The following FRRS1 variants were observed in gnomAD, a reference collection of about 807,000 sequenced individuals.
FRRS1 encodes the protein ferric chelate reductase 1.
Under a neutral mutation model 70.7 loss-of-function variants are expected in FRRS1, and 51 were observed. That is an observed-to-expected ratio of 0.72 (90% CI 0.58 to 0.91). The LOEUF (loss-of-function observed/expected upper bound fraction) is 0.91, where lower values mean the gene tolerates loss of function less well. Ranked by LOEUF, FRRS1 falls within the 40% of genes least tolerant of loss-of-function variation. The probability of loss-of-function intolerance (pLI) is 0.00; values close to 1 mark genes in which losing one functional copy is unlikely to be tolerated. For synonymous variants in FRRS1, 225 were observed against 238.7 expected, an observed-to-expected ratio of 0.94 and a Z score of 0.53; for missense variants, 672 against 726.0, an observed-to-expected ratio of 0.93 and a Z score of 0.86.
At chr1:99,757,373 G>C (rs189156969) in intron 1 of FRRS1, among the ~76,000 whole-genome samples, 1 of 152,086 alleles carries the variant, frequency 6.6e-6, no homozygotes, top group Non-Finnish European at 1.5e-5. Flanking sequence ...TAAATTAAGA[G>C]TATCAAGAAT....
At chr1:99,741,806 C>A (rs1037976138) in intron 5 of FRRS1, among the ~76,000 whole-genome samples, 1 of 152,196 alleles carries the variant, frequency 6.6e-6, no homozygotes, top group African/African-American at 2.4e-5. Context: ...AGACTTCATT[C>A]ACTTAACAAA....
Position 99,708,639 on chromosome 1 carries a change from T to A in FRRS1, c.*389A>T, listed in dbSNP as rs1270144397. On this transcript the variant is annotated 3_prime_UTR_variant, in exon 17 of 17. Transcript: ENST00000646001. ...AAAAAAAAAAAAATATATATATATA[T>A]ATATATATATATATATATATATATC... 226 of 107,964 alleles carry A rather than the reference T, an allele frequency of 2.1e-3. 2 individuals are homozygous for A. Among genetic ancestry groups the A allele is most frequent in the Non-Finnish European group, 2.7e-3 (149 of 54,990 alleles). 6.7% of individuals were successfully genotyped at this position (107,964 alleles called of 1,614,324 possible). A position where few individuals can be genotyped will look rare whatever the true frequency, so the allele number is the denominator to read the frequency against.
intron 4 of FRRS1, 67 bp from the exon 5 acceptor site, chr1:99,742,340 C>A: frequency 1.0e-6 from 1 of 968,362 alleles, no homozygotes; most frequent in Non-Finnish European, 1.7e-6. Context: ...GAACTTCTAT[C>A]ATTTTGCGAA....
chr1:99,766,145 A>G (rs1657342397), intron 1 of FRRS1, among the ~76,000 whole-genome samples: 2 of 151,986 alleles, frequency 1.3e-5, no homozygotes, highest in Non-Finnish European at 2.9e-5. Context: ...AGGGCTAGGG[A>G]GTGGGAGGGT....
intron 3 of FRRS1, 76 bp downstream of exon 3, chr1:99,748,497 T>A (rs1656399534): frequency 8.8e-7 from 1 of 1,140,766 alleles, no homozygotes; most frequent in Non-Finnish European, 1.3e-6. Context: ...ATCTTCTAAA[T>A]CAAGTAATAA....
In FRRS1 at chr1:99,708,368, G is replaced by C. The variant is rs371894592; in HGVS notation, c.*660C>G. ...TAATCCCAGCACTTTGGGAAGCTGA[G>C]GCAGGCAGATCACAAGGTCAGGAGA... On this transcript the variant is annotated 3_prime_UTR_variant, in exon 17 of 17. Coordinates refer to ENST00000646001, the MANE Select transcript of FRRS1 (RefSeq NM_001361041.2). 1.3e-5 allele frequency among the ~76,000 whole-genome samples: 2 copies of C among 151,776 alleles called. No homozygotes were observed. The highest frequency in any genetic ancestry group is 4.8e-5 in the African/African-American group (2 of 41,294).
chr1:99,705,616 A>T lies in FRRS1; in HGVS notation c.*3412T>A, dbSNP rs1654016574. On this transcript the variant is annotated 3_prime_UTR_variant, in exon 17 of 17. Transcript: ENST00000646001. ...ACTGGTGCAGGATGTGGAAGGGATGAGGTATTGCTTAACACACATTAGAGA... is the reference window on the plus strand; with the variant it reads ...ACTGGTGCAGGATGTGGAAGGGATGTGGTATTGCTTAACACACATTAGAGA... Among the ~76,000 whole-genome samples, 1 of 152,218 alleles carries T rather than the reference A, an allele frequency of 6.6e-6. No individual in the cohort carries two copies. Among genetic ancestry groups the T allele is most frequent in the African/African-American group, 2.4e-5 (1 of 41,452 alleles).
At chr1:99,719,495 G>A in intron 10 of FRRS1, 39 bp downstream of exon 10, 1 of 1,022,406 alleles carries the variant, frequency 9.8e-7, no homozygotes, top group Non-Finnish European at 1.6e-6. Flanking sequence ...GAGTCAGCAG[G>A]TAAGTTGATT....
intron 9 of FRRS1, among the ~76,000 whole-genome samples, chr1:99,727,775 A>G (rs186259952): frequency 2.0e-5 from 3 of 152,362 alleles, no homozygotes; most frequent in Admixed American, 2.0e-4. Flanking sequence ...CATTTCCTGC[A>G]GTTCCTCAAA....
intron 1 of FRRS1, among the ~76,000 whole-genome samples, chr1:99,758,041 A>G (rs1210146761): frequency 6.6e-6 from 1 of 152,150 alleles, no homozygotes; most frequent in Non-Finnish European, 1.5e-5. Flanking sequence ...CTAAAGGGGA[A>G]AAGTGGGCTG....
chr1:99,738,383 C>T (rs1244703272), intron 6 of FRRS1, 115 bp from the exon 7 acceptor site: 8 of 637,178 alleles, frequency 1.3e-5, no homozygotes, highest in African/African-American at 1.9e-5. Context: ...ATGAGAATAC[C>T]TTTCCATAAT....
intron 7 of FRRS1, among the ~76,000 whole-genome samples, chr1:99,730,735 T>C (rs762182638): frequency 7.9e-5 from 12 of 151,998 alleles, no homozygotes; most frequent in East Asian, 3.9e-4. Context: ...GGCATGGTAG[T>C]GGGCGCCTGT....
chr1:99,736,746 G>C (rs947026615), intron 7 of FRRS1, among the ~76,000 whole-genome samples: 3 of 107,152 alleles, frequency 2.8e-5, no homozygotes, highest in African/African-American at 2.2e-4. Context: ...TTGTGCACAT[G>C]TACCCTAAAA....
At chr1:99,721,454 T>C (rs972255622) in intron 9 of FRRS1, among the ~76,000 whole-genome samples, 4 of 151,178 alleles carry the variant, frequency 2.6e-5, no homozygotes, top group Admixed American at 6.6e-5. Flanking sequence ...CCATTTTATA[T>C]AAAAACACTG....
intron 6 of FRRS1, 127 bp downstream of exon 6, chr1:99,740,666 C>T: frequency 1.5e-6 from 1 of 682,586 alleles, no homozygotes; most frequent in Non-Finnish European, 2.7e-6. Context: ...CACAGTGGCT[C>T]ACACCTGTAA....
At chr1:99,762,848 T>C (rs1366516292) in intron 1 of FRRS1, among the ~76,000 whole-genome samples, 1 of 152,164 alleles carries the variant, frequency 6.6e-6, no homozygotes, top group African/African-American at 2.4e-5. Context: ...AATTCTGCAC[T>C]CTACCTATCC....
rs1654010573 is a variant in FRRS1, at chr1:99,705,411, A to T, written c.*3617T>A. Among the ~76,000 whole-genome samples, 1 of 152,238 alleles carries T rather than the reference A, an allele frequency of 6.6e-6. No homozygotes were observed. Among genetic ancestry groups the T allele is most frequent in the South Asian group, 2.1e-4 (1 of 4,834 alleles). On this transcript the variant is annotated 3_prime_UTR_variant, in exon 17 of 17. Transcript: ENST00000646001. ...CTAATCTGATTTAAAAAGGACTCTT[A>T]GAAGAATCTTTCCTTTCATTCCAAC...
At chr1:99,727,394 C>T (rs1655125011) in intron 9 of FRRS1, among the ~76,000 whole-genome samples, 1 of 152,188 alleles carries the variant, frequency 6.6e-6, no homozygotes. Flanking sequence ...AAGATAACTA[C>T]ATGTATCACC....
chr1:99,762,634 A>G (rs1375082847), intron 1 of FRRS1, among the ~76,000 whole-genome samples: 1 of 152,146 alleles, frequency 6.6e-6, no homozygotes, highest in Non-Finnish European at 1.5e-5. Flanking sequence ...ACTTCTGTTT[A>G]GATAACAAAA....
Sources: allele counts gnomAD v4.1 joint callset (sites outside exome capture counted in the v4.1 genomes callset), GRCh38; gene constraint gnomAD v4.1.1; transcripts MANE v1.5; gene names NCBI Gene and HGNC (gene_info 2026-07-23, HGNC 2026-07-21).